SORCS2: variants seen among roughly 807,000 people sequenced by gnomAD.
SORCS2 encodes sortilin related VPS10 domain containing receptor 2.
In SORCS2, 100 loss-of-function variants were observed where a neutral mutation model predicts 141.6. The ratio of observed to expected loss-of-function variants is 0.71; its 90% CI spans 0.60 to 0.83. The LOEUF is 0.83. Ranked by LOEUF, SORCS2 falls within the 40% of genes least tolerant of loss-of-function variation. The probability of loss-of-function intolerance (pLI) is 0.00; values close to 1 mark genes in which losing one functional copy is unlikely to be tolerated. For synonymous variants in SORCS2, 789 were observed against 676.9 expected (o/e 1.17, Z -2.57); for missense variants, 1,646 against 1,560.2 (o/e 1.05, Z -0.93).
chr4:7,288,797 G>GT (rs1716410993), intron 1 of SORCS2, among the ~76,000 whole-genome samples: 1 of 124,850 alleles, frequency 8.0e-6, no homozygotes, highest in South Asian at 3.0e-4. Context: ...GGGGTGGGGG[G>GT]GGGAGTTGGG....
Position 7,718,015 on chromosome 4 carries a change from C to T in SORCS2, c.2256C>T (p.Tyr752=), listed in dbSNP as rs1423343799. The change falls in exon 18 of 27, where the codon TAC becomes TAT. Residue 752 remains tyrosine, a synonymous_variant. Coordinates refer to ENST00000507866, the MANE Select transcript of SORCS2 (RefSeq NM_020777.3). ...TGACCCTCTCTTGTCAATCCAGGTA[C>T]CGGAAAGTGGTGTCCAACGTGTGTG... is the stretch of plus-strand genomic sequence containing the variant. ...LGQTYTSSLG[Y]RKVVSNVCEG... is the part of the protein sequence containing the mutation. The T allele has an allele frequency of 3.1e-6, 5 of 1,601,286 alleles. No homozygotes were observed. Among genetic ancestry groups the T allele is most frequent in the Non-Finnish European group, 4.3e-6 (5 of 1,173,462 alleles).
At chr4:7,320,388 GAGAAGGC>G (rs1055414228) in intron 1 of SORCS2, among the ~76,000 whole-genome samples, 3 of 152,200 alleles carry the variant, frequency 2.0e-5, no homozygotes, top group African/African-American at 7.2e-5. Flanking sequence ...CCCCACAGAG[GAGAAGGC>G]ATTGTACTGA....
At chr4:7,245,481 C>T (rs1713022280) in intron 1 of SORCS2, among the ~76,000 whole-genome samples, 1 of 152,248 alleles carries the variant, frequency 6.6e-6, no homozygotes, top group Non-Finnish European at 1.5e-5. Flanking sequence ...GCTTTAGAGT[C>T]AGAAAGACCT....
chr4:7,684,013 G>T (rs1003917), intron 10 of SORCS2, among the ~76,000 whole-genome samples: 1 of 151,928 alleles, frequency 6.6e-6, no homozygotes, highest in Non-Finnish European at 1.5e-5. Flanking sequence ...AGGAAGAGGC[G>T]AAATGGGCCA....
At chr4:7,638,301 G>C (rs1406385798) in intron 3 of SORCS2, 27 bp from the exon 4 acceptor site, 1 of 1,494,946 alleles carries the variant, frequency 6.7e-7, no homozygotes, top group East Asian at 2.6e-5. Context: ...ACCTGGCCCA[G>C]GCCTCACAAC....
chr4:7,724,249 G>A (rs1026937745), intron 19 of SORCS2, among the ~76,000 whole-genome samples: 6 of 151,112 alleles, frequency 4.0e-5, no homozygotes, highest in South Asian at 2.1e-4. Flanking sequence ...TGATGGTGAC[G>A]TTGGTGTTGG....
intron 3 of SORCS2, among the ~76,000 whole-genome samples, chr4:7,621,523 GTGTC>G (rs775336133): frequency 4.0e-5 from 6 of 151,770 alleles, no homozygotes; most frequent in South Asian, 2.1e-4. Context: ...GTTTATGTGT[GTGTC>G]TATGTGTGAG....
intron 8 of SORCS2, among the ~76,000 whole-genome samples, chr4:7,672,342 A>G (rs1463476757): frequency 6.6e-6 from 1 of 152,198 alleles, no homozygotes; most frequent in African/African-American, 2.4e-5. Flanking sequence ...CAGATGTCTC[A>G]TCAGGAACCC....
At chr4:7,340,234 A>T (rs568133115) in intron 1 of SORCS2, among the ~76,000 whole-genome samples, 34 of 152,380 alleles carry the variant, frequency 2.2e-4, no homozygotes, top group African/African-American at 7.7e-4. Context: ...CCAGGCCTGT[A>T]CGACCCTCAC....
intron 1 of SORCS2, among the ~76,000 whole-genome samples, chr4:7,314,816 T>G (rs56262149): frequency 0.25 from 26,606 of 107,326 alleles, 2,854 homozygotes; most frequent in South Asian, 0.48. Context: ...TTTTTTTTTT[T>G]TTTTTTTTTT....
intron 1 of SORCS2, among the ~76,000 whole-genome samples, chr4:7,257,009 AT>A (rs1560144766): frequency 6.6e-6 from 1 of 152,090 alleles, no homozygotes; most frequent in Non-Finnish European, 1.5e-5. Flanking sequence ...TTCACTGGTG[AT>A]TTGAGAAGCT....
chr4:7,255,821 AGCGTGGGGACCCGGGGTTGGT>A lies in SORCS2; in HGVS notation c.480+62712_480+62732del, dbSNP rs1486095361. ...GGGGCCACTGGAGCCCCGGGGTTGG[AGCGTGGGGACCCGGGGTTGGT>A]GCGTGGGGACCCGGGGCTGGAGCGT... On this transcript the variant is annotated intron_variant, in intron 1 of 26. Coordinates refer to ENST00000507866, the MANE Select transcript of SORCS2 (RefSeq NM_020777.3). Among the ~76,000 whole-genome samples, 226 of 148,792 alleles carry A rather than the reference AGCGTGGGGACCCGGGGTTGGT, an allele frequency of 1.5e-3. 2 individuals are homozygous for A. The highest frequency in any genetic ancestry group is 5.2e-3 in the African/African-American group (209 of 40,468).
At chr4:7,621,539 ATG>A (rs144562344) in intron 3 of SORCS2, among the ~76,000 whole-genome samples, 77 of 142,924 alleles carry the variant, frequency 5.4e-4, no homozygotes, top group African/African-American at 1.1e-3. Context: ...ATGTGTGAGT[ATG>A]TGTGTGTGTG....
At chr4:7,735,809 C>T (rs73204734) in intron 25 of SORCS2, among the ~76,000 whole-genome samples, 1,772 of 152,298 alleles carry the variant, frequency 0.012, 15 homozygotes, top group Middle Eastern at 0.027. Flanking sequence ...GGTCAGGAAT[C>T]CCACCTCCTT....
intron 2 of SORCS2, among the ~76,000 whole-genome samples, chr4:7,455,597 G>A (rs549073867): frequency 7.3e-6 from 1 of 137,104 alleles, no homozygotes; most frequent in African/African-American, 2.8e-5. Flanking sequence ...GGGGTCAGGT[G>A]CTGTGTGTTG....
intron 1 of SORCS2, among the ~76,000 whole-genome samples, chr4:7,202,608 A>AAGTC (rs1472674041): frequency 6.6e-6 from 1 of 152,258 alleles, no homozygotes; most frequent in African/African-American, 2.4e-5. Context: ...CATTTCTTGC[A>AAGTC]AGTCACCATT....
chr4:7,244,362 C>T lies in SORCS2; in HGVS notation c.480+51236C>T, dbSNP rs534883446. On this transcript the variant is annotated intron_variant, in intron 1 of 26. Transcript: ENST00000507866. Reference sequence around the variant, plus strand: ...ATTCATGGGTAAGGGCTTTCAGCGGCCTCCTATTCCCCGCAGATGCCAGCC... The same window carrying T: ...ATTCATGGGTAAGGGCTTTCAGCGGTCTCCTATTCCCCGCAGATGCCAGCC... Among the ~76,000 whole-genome samples, 3 of 152,352 alleles carry T rather than the reference C, an allele frequency of 2.0e-5. No individual in the cohort carries two copies. In the South Asian group the frequency reaches 6.2e-4, roughly 32 times the overall value.
Position 7,729,475 on chromosome 4 carries a change from T to C in SORCS2, c.2983-112T>C, listed in dbSNP as rs1434087997. The stretch of plus-strand genomic sequence containing the variant: ...CGCCATGCAGGGGTCAGGAACGGCC[T>C]GTGAGACAGGTGTACAGGCCAAGAA... On this transcript the variant is annotated intron_variant, in intron 22 of 26. Transcript: ENST00000507866. 14 of 1,393,404 alleles carry C rather than the reference T, an allele frequency of 1.0e-5. No homozygotes were observed. The East Asian group carries it at 3.5e-4, about 35-fold the overall frequency. 86.3% of individuals were successfully genotyped at this position (1,393,404 alleles called of 1,614,324 possible).
At chr4:7,526,792 G>T (rs1007901567) in intron 2 of SORCS2, among the ~76,000 whole-genome samples, 1 of 152,208 alleles carries the variant, frequency 6.6e-6, no homozygotes, top group Non-Finnish European at 1.5e-5. Context: ...TCCATTTGCT[G>T]TGAACCTAAA....
Sources: allele counts gnomAD v4.1 joint callset (sites outside exome capture counted in the v4.1 genomes callset), GRCh38; gene constraint gnomAD v4.1.1; transcripts MANE v1.5; gene names NCBI Gene and HGNC (gene_info 2026-07-23, HGNC 2026-07-21).